The following DYM variants were observed in gnomAD, a reference collection of about 807,000 sequenced individuals.
DYM encodes dymeclin, also known as dyggve-Melchior-Clausen syndrome protein.
A neutral mutation model predicts 93.1 loss-of-function variants in DYM; 78 were observed. That is an observed-to-expected ratio of 0.84 (90% CI 0.70 to 1.01). The LOEUF (loss-of-function observed/expected upper bound fraction) is 1.01. Ranked by LOEUF, DYM falls within the 50% of genes least tolerant of loss-of-function variation. The probability of loss-of-function intolerance (pLI) is 0.00; values close to 1 mark genes in which losing one functional copy is unlikely to be tolerated. For synonymous variants in DYM, 321 were observed against 319.7 expected, an observed-to-expected ratio of 1.00 and a Z score of -0.04; for missense variants, 789 against 845.0, an observed-to-expected ratio of 0.93 and a Z score of 0.82.
At chr18:49,422,973 C>T (rs2148366681) in intron 2 of DYM, among the ~76,000 whole-genome samples, 1 of 152,238 alleles carries the variant, frequency 6.6e-6, no homozygotes, top group Non-Finnish European at 1.5e-5. Context: ...CCACTGTCAA[C>T]ATTAGACAGA....
At chr18:49,080,045 C>T in intron 17 of DYM, among the ~76,000 whole-genome samples, 1 of 146,968 alleles carries the variant, frequency 6.8e-6, no homozygotes, top group African/African-American at 2.5e-5. Flanking sequence ...TGCCTCACTT[C>T]CTAGTAGGGG....
chr18:49,309,681 A>G (rs2146326887), intron 8 of DYM, among the ~76,000 whole-genome samples: 1 of 152,376 alleles, frequency 6.6e-6, no homozygotes, highest in African/African-American at 2.4e-5. Flanking sequence ...TGTATAAACC[A>G]TAGATATATA....
At chr18:49,207,153 G>A (rs1024307260) in intron 14 of DYM, among the ~76,000 whole-genome samples, 32 of 152,116 alleles carry the variant, frequency 2.1e-4, no homozygotes, top group Non-Finnish European at 4.3e-4. Flanking sequence ...TAGGTGAGGA[G>A]TGTGACTCCA....
chr18:49,224,137 T>C (rs2093451473), intron 13 of DYM, among the ~76,000 whole-genome samples: 1 of 152,096 alleles, frequency 6.6e-6, no homozygotes, highest in Admixed American at 6.6e-5. Context: ...GAATTGAATA[T>C]GGCAGGTGAC....
chr18:49,155,634 A>G (rs1473676576), intron 15 of DYM, among the ~76,000 whole-genome samples: 2 of 152,244 alleles, frequency 1.3e-5, no homozygotes, highest in Non-Finnish European at 2.9e-5. Context: ...AGATCAAACA[A>G]TAAGTGGCCT....
intron 1 of DYM, among the ~76,000 whole-genome samples, chr18:49,451,481 A>C (rs1328029845): frequency 6.6e-6 from 1 of 152,202 alleles, no homozygotes; most frequent in Non-Finnish European, 1.5e-5. Flanking sequence ...AAAGAATGTC[A>C]CTTTCTAACA....
At chr18:49,264,665 G>A (rs768671912) in intron 11 of DYM, among the ~76,000 whole-genome samples, 13 of 151,912 alleles carry the variant, frequency 8.6e-5, no homozygotes, top group African/African-American at 2.4e-4. Context: ...TTTTTCTATC[G>A]AATACTTTGT....
In DYM at chr18:49,044,475, A is replaced by G. The variant is rs180778331; in HGVS notation, c.2026-271T>C. 3.2e-3 allele frequency among the ~76,000 whole-genome samples: 482 copies of G among 152,356 alleles called. 2 individuals carry two copies. Among genetic ancestry groups the G allele is most frequent in the Non-Finnish European group, 5.7e-3 (389 of 68,028 alleles). On this transcript the variant is annotated intron_variant, in intron 17 of 17. Coordinates refer to ENST00000675505, the MANE Select transcript of DYM (RefSeq NM_001353214.3). ...ATAGTTCCCTGCTAGGGACCCCAAC[A>G]GTGGTTAAGGTATGATGAGAAATAT...
At chr18:49,066,618 T>G (rs1255621881) in intron 17 of DYM, among the ~76,000 whole-genome samples, 2 of 152,238 alleles carry the variant, frequency 1.3e-5, no homozygotes, top group Non-Finnish European at 2.9e-5. Context: ...TTAGGTTAGA[T>G]GCTTACCTAG....
At chr18:49,361,737 T>G (rs1029240411) in intron 6 of DYM, among the ~76,000 whole-genome samples, 2 of 152,172 alleles carry the variant, frequency 1.3e-5, no homozygotes, top group African/African-American at 4.8e-5. Context: ...TTTATTTTTT[T>G]TGTGACGTAG....
chr18:49,095,005 A>G (rs2079415840), intron 17 of DYM, among the ~76,000 whole-genome samples: 2 of 152,226 alleles, frequency 1.3e-5, no homozygotes, highest in African/African-American at 4.8e-5. Flanking sequence ...CCACATTTTC[A>G]TAGAGGGCTT....
At chr18:49,460,218 C>G (rs1434614746) in intron 1 of DYM, among the ~76,000 whole-genome samples, 180 bp downstream of exon 1, 1 of 152,214 alleles carries the variant, frequency 6.6e-6, no homozygotes, top group East Asian at 1.9e-4. Context: ...CGTCCGCTGT[C>G]AGCACAGCCC....
At chr18:49,219,214 T>C (rs1012563556) in intron 13 of DYM, among the ~76,000 whole-genome samples, 8 of 152,154 alleles carry the variant, frequency 5.3e-5, no homozygotes, top group Non-Finnish European at 1.0e-4. Context: ...AGGAAGAAGC[T>C]GAATCTCTGA....
At chr18:49,246,864 T>C (rs1317633382) in intron 13 of DYM, among the ~76,000 whole-genome samples, 1 of 152,218 alleles carries the variant, frequency 6.6e-6, no homozygotes, top group Non-Finnish European at 1.5e-5. Flanking sequence ...CAGTATCAAC[T>C]GGCTACCTTA....
intron 2 of DYM, 104 bp downstream of exon 2, chr18:49,430,146 ATAGAC>A: frequency 3.9e-6 from 4 of 1,037,562 alleles, no homozygotes; most frequent in Non-Finnish European, 6.0e-6. Flanking sequence ...TGTATGACAG[ATAGAC>A]TAGATAGATA....
At chr18:49,164,450 G>C (rs2087609301) in intron 14 of DYM, among the ~76,000 whole-genome samples, 1 of 152,128 alleles carries the variant, frequency 6.6e-6, no homozygotes, top group South Asian at 2.1e-4. Flanking sequence ...GTGAGCTTCT[G>C]TCTCGAGGAA....
intron 14 of DYM, among the ~76,000 whole-genome samples, chr18:49,195,569 TC>T (rs1201742770): frequency 6.6e-6 from 1 of 151,748 alleles, no homozygotes; most frequent in Non-Finnish European, 1.5e-5. Context: ...GCTGAGGAAA[TC>T]ATAACAGAAT....
intron 8 of DYM, among the ~76,000 whole-genome samples, chr18:49,317,285 T>G (rs1223262529): frequency 1.3e-5 from 2 of 152,146 alleles, no homozygotes; most frequent in Admixed American, 6.5e-5. Flanking sequence ...ATAAAGAGAA[T>G]GATAGTGGAG....
chr18:49,185,985 C>G lies in DYM; in HGVS notation c.1626-22198G>C, dbSNP rs1350083563. Among the ~76,000 whole-genome samples the G allele has an allele frequency of 2.0e-5, 3 of 152,262 alleles. No individual in the cohort carries two copies. The South Asian group carries it at 6.2e-4, about 32-fold the overall frequency. ...TTTAAAGGATTATTACGATGTGTCA[C>G]TTTCAAAACTCAGGATTTTAATTTT... On this transcript the variant is annotated intron_variant, in intron 14 of 17. Transcript: ENST00000675505.
Sources: gnomAD v4.1 joint callset for allele counts (sites outside exome capture counted in the v4.1 genomes callset) on GRCh38, gnomAD v4.1.1 for gene constraint, MANE v1.5 for transcripts, NCBI Gene and HGNC (gene_info 2026-07-23, HGNC 2026-07-21) for gene names.